Variants in MTRES1 observed in about 807,000 individuals in gnomAD.
The protein encoded by MTRES1 is mitochondrial transcription rescue factor 1.
A neutral mutation model predicts 17.4 loss-of-function variants in MTRES1; 11 were observed. The ratio of observed to expected loss-of-function variants is 0.63; its 90% CI spans 0.40 to 1.05. The LOEUF is 1.05. Among genes scored for constraint, MTRES1 ranks in the 50% least tolerant of loss-of-function variants. The pLI, the probability that MTRES1 is intolerant of heterozygous loss-of-function variation, is 0.00. For missense variants in MTRES1, 268 were observed against 276.2 expected, an observed-to-expected ratio of 0.97 and a Z score of 0.21; for synonymous variants, 94 against 99.6, an observed-to-expected ratio of 0.94 and a Z score of 0.34.
chr6:107,044,253 T>C lies in MTRES1; in HGVS notation c.471-7T>C. On this transcript the variant is annotated splice_polypyrimidine_tract_variant and splice_region_variant and intron_variant, in intron 2 of 3. Coordinates refer to ENST00000311381, the MANE Select transcript of MTRES1 (RefSeq NM_016487.5). ...TGTGTACATTGTTGCTTTTTTTTGTTTTGTAGCAAAGTGGAAGATGCTTTC... is the reference window on the plus strand; with the variant it reads ...TGTGTACATTGTTGCTTTTTTTTGTCTTGTAGCAAAGTGGAAGATGCTTTC... The C allele has an allele frequency of 3.7e-6, 6 of 1,612,906 alleles. No homozygotes were observed. Among genetic ancestry groups the C allele is most frequent in the Non-Finnish European group, 5.1e-6 (6 of 1,179,206 alleles).
At chr6:107,031,395 A>G (rs1562274551) in intron 1 of MTRES1, among the ~76,000 whole-genome samples, 1 of 148,116 alleles carries the variant, frequency 6.8e-6, no homozygotes, top group African/African-American at 2.5e-5. Flanking sequence ...CAAAAAAAAA[A>G]AAAAGAAAAA....
intron 1 of MTRES1, among the ~76,000 whole-genome samples, chr6:107,032,579 C>T (rs2783032): frequency 0.8 from 121,844 of 152,086 alleles, 50,335 homozygotes; most frequent in Non-Finnish European, 0.91. Flanking sequence ...GGCGTGGTGC[C>T]GTGTGCCTGT....
chr6:107,044,797 G>A (rs1239903844), intron 3 of MTRES1, among the ~76,000 whole-genome samples: 1 of 152,162 alleles, frequency 6.6e-6, no homozygotes, highest in Non-Finnish European at 1.5e-5. Flanking sequence ...AAAAGGATGT[G>A]TTCTGTATTT....
chr6:107,047,590 A>G (rs938134661), intron 3 of MTRES1, among the ~76,000 whole-genome samples: 1 of 152,104 alleles, frequency 6.6e-6, no homozygotes, highest in Admixed American at 6.6e-5. Context: ...TTACTTATTA[A>G]AAATGAATTG....
At chr6:107,039,411 C>T (rs1774112030) in intron 1 of MTRES1, among the ~76,000 whole-genome samples, 1 of 152,044 alleles carries the variant, frequency 6.6e-6, no homozygotes, top group Non-Finnish European at 1.5e-5. Context: ...CCTCTGCCTC[C>T]TGGGTTCAAG....
At chr6:107,045,450 C>T (rs376836851) in intron 3 of MTRES1, among the ~76,000 whole-genome samples, 2 of 149,890 alleles carry the variant, frequency 1.3e-5, no homozygotes, top group South Asian at 4.2e-4. Flanking sequence ...TGCCACTGCA[C>T]TCCAGCCTGG....
intron 3 of MTRES1, among the ~76,000 whole-genome samples, chr6:107,049,910 G>A (rs1353406781): frequency 6.6e-6 from 1 of 151,980 alleles, no homozygotes; most frequent in Non-Finnish European, 1.5e-5. Flanking sequence ...TAGTAGAGAC[G>A]GGGTTTCACC....
rs1288532367 is a variant in MTRES1, at chr6:107,028,257, G to A, written c.-27G>A. 1 of 152,138 alleles carries A rather than the reference G, an allele frequency of 6.6e-6. No homozygotes were observed. Among genetic ancestry groups the A allele is most frequent in the Admixed American group, 6.5e-5 (1 of 15,278 alleles). The allele number at this position is 152,138 out of a possible 1,614,324, so 9.4% of individuals were successfully genotyped here. A position where few individuals can be genotyped will look rare whatever the true frequency, so the allele number is the denominator to read the frequency against. The stretch of plus-strand genomic sequence containing the variant: ...CGCGCGGCCGCGGGGAGGGACGAGA[G>A]GGCCTGACGTACAGGTGAGTGCGCC... On this transcript the variant is annotated 5_prime_UTR_variant, in exon 1 of 4. Transcript: ENST00000311381.
chr6:107,035,365 G>T (rs541230313), intron 1 of MTRES1, among the ~76,000 whole-genome samples: 1 of 152,120 alleles, frequency 6.6e-6, no homozygotes, highest in South Asian at 2.1e-4. Flanking sequence ...CCAAACTCAG[G>T]TCATCAGTCC....
At chr6:107,033,498 C>T (rs1423672743) in intron 1 of MTRES1, among the ~76,000 whole-genome samples, 1 of 151,934 alleles carries the variant, frequency 6.6e-6, no homozygotes, top group Admixed American at 6.6e-5. Context: ...CCACTTCCAA[C>T]TCAGGGCTCC....
chr6:107,031,154 C>T (rs536952513), intron 1 of MTRES1, among the ~76,000 whole-genome samples: 119 of 151,820 alleles, frequency 7.8e-4, no homozygotes, highest in Middle Eastern at 3.4e-3. Flanking sequence ...CTGAGGTGGG[C>T]GGGTCACTTG....
At chr6:107,037,400 G>A (rs1774048338) in intron 1 of MTRES1, among the ~76,000 whole-genome samples, 1 of 151,752 alleles carries the variant, frequency 6.6e-6, no homozygotes, top group African/African-American at 2.4e-5. Context: ...AAGTAGAGAT[G>A]GGGTTTCACC....
intron 1 of MTRES1, among the ~76,000 whole-genome samples, chr6:107,029,478 C>T (rs1354510285): frequency 6.7e-6 from 1 of 150,332 alleles, no homozygotes; most frequent in Non-Finnish European, 1.5e-5. Context: ...TGAGCCACCG[C>T]GCCCGGCCTG....
intron 3 of MTRES1, among the ~76,000 whole-genome samples, chr6:107,049,864 G>T (rs1256019300): frequency 6.6e-6 from 1 of 151,772 alleles, no homozygotes; most frequent in Non-Finnish European, 1.5e-5. Flanking sequence ...TGGGATTACA[G>T]GTGTGTGCCA....
intron 1 of MTRES1, 143 bp from the exon 2 acceptor site, chr6:107,039,606 C>T (rs1554227336): frequency 4.7e-6 from 4 of 843,066 alleles, no homozygotes; most frequent in East Asian, 5.6e-5. Context: ...AGGCGTGAAC[C>T]ACTGCGCCAG....
At chr6:107,045,722 T>C (rs1170780394) in intron 3 of MTRES1, among the ~76,000 whole-genome samples, 3 of 152,178 alleles carry the variant, frequency 2.0e-5, no homozygotes, top group Admixed American at 6.6e-5. Context: ...TAAAAAGTTA[T>C]GACAGAGACC....
At chr6:107,047,967 G>GGA (rs1554228609) in intron 3 of MTRES1, among the ~76,000 whole-genome samples, 3 of 152,150 alleles carry the variant, frequency 2.0e-5, no homozygotes, top group Admixed American at 6.6e-5. Flanking sequence ...GGGAGGCTGA[G>GGA]GAGGGAGTGT....
At chr6:107,032,847 G>A (rs539729707) in intron 1 of MTRES1, among the ~76,000 whole-genome samples, 18 of 152,140 alleles carry the variant, frequency 1.2e-4, no homozygotes, top group African/African-American at 2.9e-4. Context: ...CCCATAGCTC[G>A]GTTTCAGGCC....
At chr6:107,046,427 A>G (rs1335452384) in intron 3 of MTRES1, among the ~76,000 whole-genome samples, 7 of 143,656 alleles carry the variant, frequency 4.9e-5, no homozygotes, top group African/African-American at 1.6e-4. Context: ...GCTGCCTTCC[A>G]TGTTTCTTGT....
Sources: gnomAD v4.1 joint callset for allele counts (sites outside exome capture counted in the v4.1 genomes callset) on GRCh38, gnomAD v4.1.1 for gene constraint, MANE v1.5 for transcripts, NCBI Gene and HGNC (gene_info 2026-07-23, HGNC 2026-07-21) for gene names.